Variants in MPZL1 observed in about 807,000 individuals in gnomAD.
MPZL1 encodes myelin protein zero like 1.
Under a neutral mutation model 29.3 loss-of-function variants are expected in MPZL1, and 16 were observed. The ratio of observed to expected loss-of-function variants is 0.55; its 90% confidence interval spans 0.37 to 0.83. The LOEUF (loss-of-function observed/expected upper bound fraction) is 0.83. MPZL1 is among the 40% of genes least tolerant of loss of function. The pLI is 0.00. For missense variants in MPZL1, 279 were observed against 332.9 expected (o/e 0.84, Z 1.26); for synonymous variants, 143 against 132.0 (o/e 1.08, Z -0.57).
At chr1:167,731,060 A>G (rs1324433663) in intron 1 of MPZL1, among the ~76,000 whole-genome samples, 2 of 152,182 alleles carry the variant, frequency 1.3e-5, no homozygotes, top group African/African-American at 4.8e-5. Context: ...TGAACCTTGC[A>G]CACTAATGAA....
chr1:167,724,821 A>T (rs1218227684), intron 1 of MPZL1, among the ~76,000 whole-genome samples: 1 of 152,158 alleles, frequency 6.6e-6, no homozygotes. Flanking sequence ...GCTAATAGTT[A>T]AAGCTTGGAT....
At chr1:167,743,408 A>G (rs779229148) in intron 1 of MPZL1, among the ~76,000 whole-genome samples, 3 of 151,948 alleles carry the variant, frequency 2.0e-5, no homozygotes, top group Middle Eastern at 3.4e-3. Flanking sequence ...GGGTTTCACC[A>G]TGTTAGCCAG....
intron 1 of MPZL1, among the ~76,000 whole-genome samples, 182 bp downstream of exon 1, chr1:167,722,424 G>T (rs1368944954): frequency 6.6e-6 from 1 of 152,234 alleles, no homozygotes; most frequent in Non-Finnish European, 1.5e-5. Flanking sequence ...TCCGCGACTG[G>T]CCGGGAAGGC....
intron 1 of MPZL1, among the ~76,000 whole-genome samples, chr1:167,759,616 T>G (rs1297084201): frequency 6.6e-6 from 1 of 152,252 alleles, no homozygotes; most frequent in Non-Finnish European, 1.5e-5. Flanking sequence ...GGATTTTAGA[T>G]GCTGTGTGCA....
intron 1 of MPZL1, among the ~76,000 whole-genome samples, chr1:167,743,397 G>A (rs547459130): frequency 1.4e-4 from 21 of 151,800 alleles, no homozygotes; most frequent in African/African-American, 4.6e-4. Flanking sequence ...TAGTAGAGAC[G>A]GGGTTTCACC....
At chr1:167,773,131 G>T (rs1053168820) in intron 3 of MPZL1, 105 bp from the exon 4 acceptor site, 12 of 1,184,638 alleles carry the variant, frequency 1.0e-5, no homozygotes, top group African/African-American at 4.6e-5. Flanking sequence ...ATAAAAGAGG[G>T]TACGGTAACT....
intron 5 of MPZL1, among the ~76,000 whole-genome samples, chr1:167,783,532 G>A (rs1661535218): frequency 6.6e-6 from 1 of 152,180 alleles, no homozygotes. Flanking sequence ...CAACTATAGT[G>A]CATAGCATAG....
intron 2 of MPZL1, among the ~76,000 whole-genome samples, chr1:167,767,037 A>G (rs1661129073): frequency 6.6e-6 from 1 of 152,176 alleles, no homozygotes. Context: ...CAACTGTTTT[A>G]CATATAAAAG....
At chr1:167,762,098 G>A (rs1364361305) in intron 1 of MPZL1, among the ~76,000 whole-genome samples, 1 of 152,118 alleles carries the variant, frequency 6.6e-6, no homozygotes, top group Admixed American at 6.5e-5. Flanking sequence ...TAGAGCTAGT[G>A]ATTCTCAACT....
At chr1:167,773,704 C>T (rs1373659819) in intron 4 of MPZL1, 1 of 164,868 alleles carries the variant, frequency 6.1e-6, no homozygotes, top group Admixed American at 6.4e-5. Flanking sequence ...AGTTTAATTT[C>T]AATTTCTTGC....
chr1:167,763,866 CT>C (rs1661050761), intron 1 of MPZL1, among the ~76,000 whole-genome samples: 1 of 152,176 alleles, frequency 6.6e-6, no homozygotes, highest in Non-Finnish European at 1.5e-5. Flanking sequence ...AAAAAAAAAT[CT>C]GCTTGATGCA....
intron 2 of MPZL1, among the ~76,000 whole-genome samples, chr1:167,768,312 CT>C (rs1661164216): frequency 6.6e-6 from 1 of 152,112 alleles, no homozygotes; most frequent in Admixed American, 6.5e-5. Flanking sequence ...ATGCTTTGTG[CT>C]TTGTTTTCCT....
rs537595993 is a variant in MPZL1, at chr1:167,771,602, C to T, written c.259-673C>T. ...GCAGAGGCGCTCCTCACTTCCCAGA[C>T]GGGGTGGTGGCCGGGCAGAGGCGCT... is the stretch of plus-strand genomic sequence containing the variant. On this transcript the variant is annotated intron_variant, in intron 2 of 5. Coordinates refer to ENST00000359523, the MANE Select transcript of MPZL1 (RefSeq NM_003953.6). Among the ~76,000 whole-genome samples the T allele has an allele frequency of 1.3e-3, 199 of 151,736 alleles. 3 individuals carry two copies. In the East Asian group the frequency reaches 0.018, roughly 14 times the overall value.
At chr1:167,745,836 T>C (rs1277955582) in intron 1 of MPZL1, among the ~76,000 whole-genome samples, 1 of 152,092 alleles carries the variant, frequency 6.6e-6, no homozygotes, top group Non-Finnish European at 1.5e-5. Flanking sequence ...TAACTGATAG[T>C]TGGAAGACAA....
chr1:167,739,579 C>T (rs1482443074), intron 1 of MPZL1, among the ~76,000 whole-genome samples: 1 of 152,050 alleles, frequency 6.6e-6, no homozygotes, highest in Non-Finnish European at 1.5e-5. Flanking sequence ...ATTGAGCTCT[C>T]AAGTTCTCTG....
At chr1:167,781,945 C>T (rs1166504442) in intron 5 of MPZL1, among the ~76,000 whole-genome samples, 2 of 152,076 alleles carry the variant, frequency 1.3e-5, no homozygotes, top group Non-Finnish European at 2.9e-5. Flanking sequence ...GTCACAATCT[C>T]TTTGAATTTT....
intron 1 of MPZL1, among the ~76,000 whole-genome samples, chr1:167,744,620 G>A (rs1268513286): frequency 6.7e-6 from 1 of 148,534 alleles, no homozygotes; most frequent in African/African-American, 2.5e-5. Flanking sequence ...GGGGTCAGAG[G>A]TTGCAGTGAG....
At chr1:167,766,629 T>G (rs938449934) in intron 2 of MPZL1, among the ~76,000 whole-genome samples, 1 of 152,230 alleles carries the variant, frequency 6.6e-6, no homozygotes, top group African/African-American at 2.4e-5. Flanking sequence ...CATCTATCTT[T>G]AAGAATGCCC....
At chr1:167,738,330 C>G (rs1660421683) in intron 1 of MPZL1, among the ~76,000 whole-genome samples, 1 of 152,128 alleles carries the variant, frequency 6.6e-6, no homozygotes, top group Non-Finnish European at 1.5e-5. Flanking sequence ...TTGAAAGAAC[C>G]TTGGACTTGA....
Sources: gnomAD v4.1 joint callset for allele counts (sites outside exome capture counted in the v4.1 genomes callset) on GRCh38, gnomAD v4.1.1 for gene constraint, MANE v1.5 for transcripts, NCBI Gene and HGNC (gene_info 2026-07-23, HGNC 2026-07-21) for gene names.